WDPCP: variants seen among roughly 807,000 people sequenced by gnomAD.
The protein encoded by WDPCP is WD repeat containing planar cell polarity effector, also known as WD repeat-containing and planar cell polarity effector protein fritz homolog.
A neutral mutation model predicts 93.1 loss-of-function variants in WDPCP; 71 were observed. The ratio of observed to expected loss-of-function variants is 0.76; its 90% CI spans 0.63 to 0.93. The LOEUF (loss-of-function observed/expected upper bound fraction) is 0.93. Ranked by LOEUF, WDPCP falls within the 40% of genes least tolerant of loss-of-function variation. The pLI, the probability that WDPCP is intolerant of heterozygous loss-of-function variation, is 0.00. For synonymous variants in WDPCP, 315 were observed against 315.0 expected, an observed-to-expected ratio of 1.00 and a Z score of 0.00; for missense variants, 844 against 887.4, an observed-to-expected ratio of 0.95 and a Z score of 0.62.
At chr2:63,565,858 C>T (rs1285048838) in intron 1 of WDPCP, among the ~76,000 whole-genome samples, 3 of 152,320 alleles carry the variant, frequency 2.0e-5, no homozygotes, top group South Asian at 4.1e-4. Flanking sequence ...CCCTCTCTCT[C>T]ACCATCTGCA....
chr2:63,402,346 AG>A (rs1694218152), intron 10 of WDPCP, among the ~76,000 whole-genome samples: 1 of 152,184 alleles, frequency 6.6e-6, no homozygotes, highest in Non-Finnish European at 1.5e-5. Flanking sequence ...GGAGAGCATT[AG>A]GACAAATACC....
At chr2:63,251,716 C>T (rs1355910632) in intron 14 of WDPCP, among the ~76,000 whole-genome samples, 1 of 151,886 alleles carries the variant, frequency 6.6e-6, no homozygotes, top group African/African-American at 2.4e-5. Flanking sequence ...TGGTCTCGAT[C>T]TCCTGACCTC....
intron 6 of WDPCP, among the ~76,000 whole-genome samples, chr2:63,482,579 T>C (rs1177384596): frequency 6.6e-6 from 1 of 151,994 alleles, no homozygotes; most frequent in Non-Finnish European, 1.5e-5. Context: ...TTTATTGCGA[T>C]ACCAGAGATC....
intron 12 of WDPCP, among the ~76,000 whole-genome samples, chr2:63,340,597 G>C (rs1156318047): frequency 6.6e-6 from 1 of 152,140 alleles, no homozygotes; most frequent in African/African-American, 2.4e-5. Context: ...ACTTTTTCCA[G>C]TATAGAAACT....
intron 12 of WDPCP, among the ~76,000 whole-genome samples, chr2:63,365,570 G>A (rs1347156754): frequency 2.6e-5 from 4 of 152,082 alleles, no homozygotes; most frequent in Non-Finnish European, 4.4e-5. Flanking sequence ...TCTTAGGACT[G>A]GCATTTTTGG....
At chr2:63,603,172 A>G (rs1025349797) in intron 3 of WDPCP, among the ~76,000 whole-genome samples, 3 of 151,830 alleles carry the variant, frequency 2.0e-5, no homozygotes, top group Admixed American at 1.3e-4. Flanking sequence ...GTTGGCCATG[A>G]TGGTCTCCAT....
intron 3 of WDPCP, among the ~76,000 whole-genome samples, chr2:63,614,276 C>T (rs988003994): frequency 2.0e-5 from 3 of 152,296 alleles, no homozygotes; most frequent in African/African-American, 7.2e-5. Context: ...GGCTTCTGTA[C>T]ACACTTGCAT....
chr2:63,629,382 A>G (rs943319014), intron 3 of WDPCP, among the ~76,000 whole-genome samples: 4 of 152,264 alleles, frequency 2.6e-5, no homozygotes, highest in African/African-American at 9.6e-5. Flanking sequence ...GAGAAGGCCA[A>G]GTAGAATTCT....
chr2:63,727,651 T>C (rs1366245170), intron 2 of WDPCP, among the ~76,000 whole-genome samples: 1 of 152,224 alleles, frequency 6.6e-6, no homozygotes, highest in Non-Finnish European at 1.5e-5. Context: ...ATATGTCTGG[T>C]AGAATTCAGC....
At chr2:63,160,753 A>G (rs570616276) in intron 15 of WDPCP, among the ~76,000 whole-genome samples, 211 of 152,328 alleles carry the variant, frequency 1.4e-3, no homozygotes, top group African/African-American at 5.0e-3. Flanking sequence ...CTAATAAAAT[A>G]ATCTAGGCAA....
At chr2:63,390,352 C>T (rs550479512) in intron 10 of WDPCP, among the ~76,000 whole-genome samples, 5 of 152,056 alleles carry the variant, frequency 3.3e-5, no homozygotes, top group Admixed American at 1.3e-4. Flanking sequence ...TTGAAACCAA[C>T]GAGAACAAAG....
intron 1 of WDPCP, among the ~76,000 whole-genome samples, chr2:63,510,623 G>A (rs1702170865): frequency 6.6e-6 from 1 of 152,184 alleles, no homozygotes; most frequent in Admixed American, 6.5e-5. Flanking sequence ...ATTCAAATAG[G>A]AAGAGAGGAA....
chr2:63,305,122 C>A (rs1350509662), intron 13 of WDPCP, among the ~76,000 whole-genome samples: 3 of 152,156 alleles, frequency 2.0e-5, no homozygotes, highest in Non-Finnish European at 4.4e-5. Context: ...AAAACTCCCA[C>A]CTCCCTGGGA....
At chr2:63,344,212 C>T (rs1248925710) in intron 12 of WDPCP, among the ~76,000 whole-genome samples, 1 of 152,142 alleles carries the variant, frequency 6.6e-6, no homozygotes, top group Non-Finnish European at 1.5e-5. Context: ...GTGACATTCC[C>T]AAACTAATCT....
At chr2:63,204,324 A>C (rs1412486283) in intron 14 of WDPCP, among the ~76,000 whole-genome samples, 1 of 128,094 alleles carries the variant, frequency 7.8e-6, no homozygotes, top group Non-Finnish European at 1.7e-5. Flanking sequence ...ACATTTTTAT[A>C]TGCCCGTTTG....
At chr2:63,321,090 A>G (rs1177552060) in intron 12 of WDPCP, among the ~76,000 whole-genome samples, 6 of 152,120 alleles carry the variant, frequency 3.9e-5, no homozygotes, top group Admixed American at 2.6e-4. Context: ...ACACCAATTC[A>G]TCAGGAAGAC....
At chr2:63,384,234 GAGA>G (rs1212224253) in intron 10 of WDPCP, among the ~76,000 whole-genome samples, 1 of 152,042 alleles carries the variant, frequency 6.6e-6, no homozygotes, top group Non-Finnish European at 1.5e-5. Context: ...CTTGTTCTTT[GAGA>G]AGATCAGTAA....
chr2:63,575,498 A>ACT lies in WDPCP; in HGVS notation c.75+12698_75+12699insAG, dbSNP rs1708013936. 4.0e-4 allele frequency among the ~76,000 whole-genome samples: 35 copies of ACT among 88,434 alleles called. 4 individuals carry two copies. Among genetic ancestry groups the ACT allele is most frequent in the Admixed American group, 1.3e-3 (13 of 9,896 alleles). 58.0% of individuals were successfully genotyped at this position (88,434 alleles called of 152,430 possible). ...TATACAGTGTATATATAGTATATAC[A>ACT]GTATATACACTGTATATATAGTATA... On this transcript the variant is annotated intron_variant, in intron 1 of 17. Coordinates refer to ENST00000272321, the MANE Select transcript of WDPCP (RefSeq NM_015910.7).
Position 63,751,887 on chromosome 2 carries a change from A to G in WDPCP, n.308+61735T>C. ...CATTGTAGCTTCCACCACCTTCAAA[A>G]TTGCTTCCATCACCAAATCCATTAT... On this transcript the variant is annotated intron_variant and non_coding_transcript_variant, in intron 2 of 4. Transcript: ENST00000467687. 3 of 687,052 alleles carry G rather than the reference A, an allele frequency of 4.4e-6. No individual in the cohort carries two copies. The Admixed American group carries it at 5.4e-5, about 12-fold the overall frequency. The allele number at this position is 687,052 out of a possible 1,614,324, so 42.6% of individuals were successfully genotyped here.
Sources: allele counts gnomAD v4.1 joint callset (sites outside exome capture counted in the v4.1 genomes callset), GRCh38; gene constraint gnomAD v4.1.1; transcripts MANE v1.5; gene names NCBI Gene and HGNC (gene_info 2026-07-23, HGNC 2026-07-21).